The following CLSTN2 variants were observed in gnomAD, a reference collection of about 807,000 sequenced individuals.
CLSTN2 encodes the protein calsyntenin-2.
A neutral mutation model predicts 101.2 loss-of-function variants in CLSTN2; 48 were observed. The observed-to-expected ratio is 0.47, with a 90% CI of 0.38 to 0.60. CLSTN2 has a LOEUF of 0.60. Ranked by LOEUF, CLSTN2 falls within the 20% of genes least tolerant of loss-of-function variation. The pLI is 0.00. For missense variants in CLSTN2, 1,160 were observed against 1,238.2 expected (o/e 0.94, Z 0.95); for synonymous variants, 481 against 463.6 (o/e 1.04, Z -0.48).
chr3:140,037,361 G>T (rs1234580491), intron 1 of CLSTN2, among the ~76,000 whole-genome samples: 1 of 151,916 alleles, frequency 6.6e-6, no homozygotes, highest in Admixed American at 6.6e-5. Context: ...CTAATCAATT[G>T]GTAATTTTGA....
intron 1 of CLSTN2, among the ~76,000 whole-genome samples, chr3:140,170,941 A>G (rs2010202688): frequency 2.6e-5 from 4 of 152,190 alleles, no homozygotes; most frequent in South Asian, 2.1e-4. Flanking sequence ...GCAACTTTAG[A>G]TTTCATTGCC....
intron 16 of CLSTN2, among the ~76,000 whole-genome samples, chr3:140,564,368 A>C (rs1453659078): frequency 6.6e-6 from 1 of 152,216 alleles, no homozygotes; most frequent in Non-Finnish European, 1.5e-5. Context: ...AAAATGTATT[A>C]ATTGCTCTTA....
intron 1 of CLSTN2, among the ~76,000 whole-genome samples, chr3:140,120,721 T>C (rs1013770120): frequency 2.6e-5 from 4 of 152,148 alleles, no homozygotes; most frequent in African/African-American, 9.7e-5. Context: ...GAATATCTTG[T>C]CTGTCTGTCT....
In CLSTN2 at chr3:140,546,701, C is replaced by T; in HGVS notation, c.1674+20C>T. On this transcript the variant is annotated intron_variant, in intron 10 of 16. Coordinates refer to ENST00000458420, the MANE Select transcript of CLSTN2 (RefSeq NM_022131.3). ...ATAAAGGTAAGGCAGGAGCTGGCAT[C>T]ACTCCCAATAAGACAGGGATTCATG... The T allele has an allele frequency of 1.3e-6, 2 of 1,597,334 alleles. No homozygotes were observed. The highest frequency in any genetic ancestry group is 1.7e-6 in the Non-Finnish European group (2 of 1,172,150).
intron 2 of CLSTN2, among the ~76,000 whole-genome samples, chr3:140,198,438 G>T (rs2010676313): frequency 6.6e-6 from 1 of 152,148 alleles, no homozygotes. Context: ...GAAAGGCTTT[G>T]GCTGGGCTGC....
At chr3:140,147,686 C>T (rs2009800843) in intron 1 of CLSTN2, among the ~76,000 whole-genome samples, 2 of 152,170 alleles carry the variant, frequency 1.3e-5, no homozygotes, top group Admixed American at 6.5e-5. Flanking sequence ...GCTTTCTCTG[C>T]ACCAGACTAG....
At chr3:140,410,342 A>G (rs1318349184) in intron 4 of CLSTN2, among the ~76,000 whole-genome samples, 1 of 149,710 alleles carries the variant, frequency 6.7e-6, no homozygotes, top group Non-Finnish European at 1.5e-5. Flanking sequence ...CTATCAGTAT[A>G]TTTCTCAACA....
chr3:140,091,449 G>A (rs1246292492), intron 1 of CLSTN2, among the ~76,000 whole-genome samples: 1 of 152,180 alleles, frequency 6.6e-6, no homozygotes, highest in Non-Finnish European at 1.5e-5. Flanking sequence ...CTTGGGGGAA[G>A]GAATTCCTAG....
chr3:140,166,260 CA>C (rs766315686), intron 1 of CLSTN2, among the ~76,000 whole-genome samples: 2 of 152,210 alleles, frequency 1.3e-5, no homozygotes, highest in Non-Finnish European at 2.9e-5. Context: ...CTCCACCCAT[CA>C]GTTACCCCAA....
chr3:140,263,662 T>A (rs376160902), intron 2 of CLSTN2, among the ~76,000 whole-genome samples: 1 of 152,344 alleles, frequency 6.6e-6, no homozygotes, highest in Admixed American at 6.5e-5. Context: ...CTTTTTCTTG[T>A]TTGGCTGCAG....
chr3:140,088,746 C>T (rs967058289), intron 1 of CLSTN2, among the ~76,000 whole-genome samples: 3 of 152,188 alleles, frequency 2.0e-5, no homozygotes, highest in African/African-American at 7.2e-5. Flanking sequence ...GATGTCATGC[C>T]TCTCCCCTGG....
chr3:139,978,591 T>C (rs914766780), intron 1 of CLSTN2, among the ~76,000 whole-genome samples: 1 of 151,718 alleles, frequency 6.6e-6, no homozygotes, highest in African/African-American at 2.4e-5. Context: ...ACACTGAATA[T>C]TGAGCTAACC....
At chr3:140,048,463 A>G (rs953047619) in intron 1 of CLSTN2, among the ~76,000 whole-genome samples, 8 of 152,228 alleles carry the variant, frequency 5.3e-5, no homozygotes, top group Non-Finnish European at 1.0e-4. Flanking sequence ...GCTAACAGCA[A>G]TGGTAGCTGA....
intron 8 of CLSTN2, among the ~76,000 whole-genome samples, chr3:140,470,153 G>A (rs1032299457): frequency 2.0e-5 from 3 of 152,316 alleles, no homozygotes; most frequent in Admixed American, 1.3e-4. Context: ...ATGGGGACTC[G>A]CTTATTTCTT....
intron 1 of CLSTN2, among the ~76,000 whole-genome samples, chr3:139,996,793 A>T (rs1454418279): frequency 6.6e-6 from 1 of 152,112 alleles, no homozygotes; most frequent in African/African-American, 2.4e-5. Context: ...CATGACTGTG[A>T]TCCCAGCTCT....
intron 1 of CLSTN2, among the ~76,000 whole-genome samples, chr3:140,084,436 T>C (rs1250671177): frequency 6.6e-6 from 1 of 152,182 alleles, no homozygotes; most frequent in African/African-American, 2.4e-5. Flanking sequence ...AATATCTGTG[T>C]GGTTTCACTA....
At chr3:140,146,520 C>T (rs932557098) in intron 1 of CLSTN2, among the ~76,000 whole-genome samples, 3 of 152,170 alleles carry the variant, frequency 2.0e-5, no homozygotes, top group South Asian at 2.1e-4. Context: ...AAAGCCTACT[C>T]GAGGATTTGC....
At chr3:140,232,606 C>CT in intron 2 of CLSTN2, among the ~76,000 whole-genome samples, 1 of 152,282 alleles carries the variant, frequency 6.6e-6, no homozygotes, top group South Asian at 2.1e-4. Flanking sequence ...TCCCATGTGC[C>CT]TACCCACTCA....
At chr3:140,270,746 G>T (rs547353756) in intron 2 of CLSTN2, among the ~76,000 whole-genome samples, 1 of 152,140 alleles carries the variant, frequency 6.6e-6, no homozygotes, top group Non-Finnish European at 1.5e-5. Context: ...CATTTCTGGC[G>T]AATTTCCTCA....
Sources: gnomAD v4.1 joint callset for allele counts (sites outside exome capture counted in the v4.1 genomes callset) on GRCh38, gnomAD v4.1.1 for gene constraint, MANE v1.5 for transcripts, NCBI Gene and HGNC (gene_info 2026-07-23, HGNC 2026-07-21) for gene names.